Variants in PCDHGB2 observed in about 807,000 individuals in gnomAD.
PCDHGB2 encodes the protein protocadherin gamma subfamily B, 2, also known as protocadherin gamma-B2.
A neutral mutation model predicts 59.3 loss-of-function variants in PCDHGB2; 55 were observed. The observed-to-expected ratio is 0.93, with a 90% CI of 0.75 to 1.16. The LOEUF (loss-of-function observed/expected upper bound fraction) is 1.16, where lower values mean the gene tolerates loss of function less well. Ranked by LOEUF, PCDHGB2 falls within the 50% of genes most tolerant of loss-of-function variation. PCDHGB2 has a pLI of 0.00. For missense variants in PCDHGB2, 1,228 were observed against 1,198.5 expected (o/e 1.02, Z -0.36); for synonymous variants, 516 against 512.0 (o/e 1.01, Z -0.11).
At chr5:141,463,367 C>G (rs1437952082) in intron 1 of PCDHGB2, among the ~76,000 whole-genome samples, 1 of 151,748 alleles carries the variant, frequency 6.6e-6, no homozygotes, top group African/African-American at 2.4e-5. Context: ...CCTTTCCTGC[C>G]CCACAGTCTG....
intron 1 of PCDHGB2, among the ~76,000 whole-genome samples, chr5:141,464,221 C>T (rs570804761): frequency 2.9e-4 from 44 of 149,624 alleles, no homozygotes; most frequent in African/African-American, 9.6e-4. Flanking sequence ...GCTGAGATTG[C>T]GCCACTGCAC....
intron 1 of PCDHGB2, chr5:141,492,079 G>A (rs1400390407): frequency 4.1e-6 from 2 of 486,168 alleles, no homozygotes; most frequent in African/African-American, 2.0e-5. Context: ...CGCCGGCTCC[G>A]GCACGCTTCG....
intron 1 of PCDHGB2, among the ~76,000 whole-genome samples, chr5:141,480,866 G>A (rs1329444129): frequency 6.6e-6 from 1 of 152,142 alleles, no homozygotes; most frequent in Non-Finnish European, 1.5e-5. Flanking sequence ...CCAATATGGT[G>A]AAACCCCGTC....
chr5:141,393,881 G>A (rs1003319572), intron 1 of PCDHGB2: 33 of 1,613,978 alleles, frequency 2.0e-5, no homozygotes, highest in Non-Finnish European at 2.8e-5. Context: ...TTAGCCCAGT[G>A]TTAGAAAATT....
At chr5:141,427,584 A>G in intron 1 of PCDHGB2, 1 of 674,672 alleles carries the variant, frequency 1.5e-6, no homozygotes, top group Non-Finnish European at 2.7e-6. Context: ...CTCATCCAGC[A>G]CAAGCCTCAC....
At chr5:141,421,354 G>T in intron 1 of PCDHGB2, 2 of 1,613,980 alleles carry the variant, frequency 1.2e-6, no homozygotes, top group Non-Finnish European at 1.7e-6. Context: ...GACCGAAAAG[G>T]GCTCCTTCGT....
At chr5:141,510,873 T>A in intron 3 of PCDHGB2, 74 bp from the exon 4 acceptor site, 1 of 1,609,964 alleles carries the variant, frequency 6.2e-7, no homozygotes, top group Non-Finnish European at 8.5e-7. Flanking sequence ...ATTCATTAAC[T>A]GCTGGGGATA....
At chr5:141,481,323 C>T (rs539518691) in intron 1 of PCDHGB2, among the ~76,000 whole-genome samples, 1 of 152,284 alleles carries the variant, frequency 6.6e-6, no homozygotes, top group Non-Finnish European at 1.5e-5. Flanking sequence ...AAAGCACTAG[C>T]CCCTGGACAA....
At chr5:141,408,251 C>T (rs761835750) in intron 1 of PCDHGB2, 6 of 1,597,008 alleles carry the variant, frequency 3.8e-6, no homozygotes, top group Middle Eastern at 1.7e-4. Context: ...GCGGCAGGTG[C>T]TATTTCCTTT....
intron 1 of PCDHGB2, among the ~76,000 whole-genome samples, chr5:141,456,206 T>C (rs966457070): frequency 6.6e-6 from 1 of 152,098 alleles, no homozygotes; most frequent in African/African-American, 2.4e-5. Context: ...ACCACATTCC[T>C]CCCTGTGGCG....
At chr5:141,415,524 C>G in intron 1 of PCDHGB2, 1 of 1,614,154 alleles carries the variant, frequency 6.2e-7, no homozygotes, top group Non-Finnish European at 8.5e-7. Context: ...CGGACACGCT[C>G]ATCAGCCAGG....
At chr5:141,481,024 C>CTGGA (rs1200299352) in intron 1 of PCDHGB2, among the ~76,000 whole-genome samples, 3 of 152,122 alleles carry the variant, frequency 2.0e-5, no homozygotes, top group Admixed American at 1.3e-4. Flanking sequence ...CACCACTGCA[C>CTGGA]TCCAGCCTGG....
chr5:141,444,280 T>C (rs1217749098), intron 1 of PCDHGB2, among the ~76,000 whole-genome samples: 1 of 147,614 alleles, frequency 6.8e-6, no homozygotes, highest in East Asian at 2.1e-4. Context: ...CAAGTGATTC[T>C]CCTGCCTCAG....
chr5:141,408,329 A>G (rs2095085203), intron 1 of PCDHGB2: 1 of 1,613,698 alleles, frequency 6.2e-7, no homozygotes, highest in Admixed American at 1.7e-5. Context: ...GGAGCTGGCC[A>G]AGGGCTCGGT....
chr5:141,374,131 C>T (rs1425329910), intron 1 of PCDHGB2: 4 of 1,604,596 alleles, frequency 2.5e-6, no homozygotes, highest in Non-Finnish European at 8.5e-7. Context: ...AGGTCCTGCT[C>T]CTCACGCTCC....
rs1386912520 is a variant in PCDHGB2 at position 141,505,425 on chromosome 5, C to T, written c.2513C>T (p.Pro838Leu). 1.2e-6 allele frequency: 2 copies of T among 1,614,060 alleles called. No individual in the cohort carries two copies. The highest frequency in any genetic ancestry group is 1.7e-6 in the Non-Finnish European group (2 of 1,180,022). The change falls in exon 3 of 4, where the codon CCC becomes CTC. Residue 838 changes from proline to leucine, a missense_variant. Physicochemically the swap from Pro to Leu is moderately conservative, Grantham distance 98 (BLOSUM62 -3). Around this residue, in one of 3 missense-constraint regions of PCDHGB2, gnomAD observed 433 missense variants for 441.8 expected, o/e 0.98. Transcript: ENST00000522605. ...AATGGCGATGACACCGGCACCTGGC[C>T]CAACAACCAGTTTGACACAGAGATG... ...SQNGDDTGTW[P>L]NNQFDTEMLQ... is the part of the protein sequence containing the mutation.
At chr5:141,399,063 A>C in intron 1 of PCDHGB2, 1 of 1,613,714 alleles carries the variant, frequency 6.2e-7, no homozygotes. Flanking sequence ...AGGAATATTC[A>C]ATGGTTGTAG....
chr5:141,417,884 C>A, intron 1 of PCDHGB2: 2 of 1,561,600 alleles, frequency 1.3e-6, no homozygotes, highest in East Asian at 2.4e-5. Flanking sequence ...CGCGCAGAGG[C>A]GCCGGGCCGG....
chr5:141,496,981 T>A (rs928774783), intron 2 of PCDHGB2, among the ~76,000 whole-genome samples: 1 of 150,304 alleles, frequency 6.7e-6, no homozygotes, highest in African/African-American at 2.5e-5. Context: ...AGGTCAGGGG[T>A]TTGAGACCAG....
Sources: allele counts gnomAD v4.1 joint callset (sites outside exome capture counted in the v4.1 genomes callset), GRCh38; gene constraint gnomAD v4.1.1; regional missense constraint gnomAD v4.1.1; transcripts MANE v1.5; gene names NCBI Gene and HGNC (gene_info 2026-07-23, HGNC 2026-07-21).